Variants in SLC35E4 observed in about 807,000 individuals in gnomAD.
SLC35E4 encodes solute carrier family 35, member E4.
SLC35E4 carries 15 observed loss-of-function variants against 19.3 expected under a neutral mutation model. The ratio of observed to expected loss-of-function variants is 0.78; its 90% confidence interval spans 0.52 to 1.20. The LOEUF (loss-of-function observed/expected upper bound fraction) is 1.20. Ranked by LOEUF, SLC35E4 falls within the 50% of genes most tolerant of loss-of-function variation. SLC35E4 has a pLI of 0.00. For synonymous variants in SLC35E4, 219 were observed against 219.9 expected (o/e 1.00, Z 0.04); for missense variants, 406 against 472.3 (o/e 0.86, Z 1.30).
Position 30,636,247 on chromosome 22 carries a change from C to G in SLC35E4, c.-204C>G, listed in dbSNP as rs1602067489. The G allele has an allele frequency of 1.5e-5, 11 of 729,654 alleles. No individual in the cohort carries two copies. The highest frequency in any genetic ancestry group is 2.1e-5 in the Non-Finnish European group (10 of 481,648). The allele number at this position is 729,654 out of a possible 1,614,324, so 45.2% of individuals were successfully genotyped here. A position where few individuals can be genotyped will look rare whatever the true frequency, so the allele number is the denominator to read the frequency against. ...CATCCTAGCAGCCGCGACCTTGGCT[C>G]TGCCCTGTCTGAGCTGGAAACACAG... On this transcript the variant is annotated 5_prime_UTR_variant, in exon 1 of 2. Coordinates refer to ENST00000343605, the MANE Select transcript of SLC35E4 (RefSeq NM_001001479.4).
At chr22:30,660,821 A>T (rs2088442839) in intron 2 of SLC35E4, among the ~76,000 whole-genome samples, 1 of 151,820 alleles carries the variant, frequency 6.6e-6, no homozygotes, top group Non-Finnish European at 1.5e-5. Context: ...AAAACCATGG[A>T]GGCCAGAAGG....
downstream of SLC35E4, chr22:30,652,380 G>A (rs560209099): frequency 3.9e-5 from 6 of 152,358 alleles, no homozygotes; most frequent in Admixed American, 3.3e-4. Context: ...TGACTCCTAA[G>A]CCATAATTTC....
downstream of SLC35E4, chr22:30,667,841 G>A (rs901364920): frequency 7.9e-5 from 12 of 152,562 alleles, no homozygotes; most frequent in African/African-American, 2.9e-4. Flanking sequence ...GCAGCCGAGA[G>A]ACAGTCTCAC....
At chr22:30,664,118 C>T, downstream of SLC35E4, 1 of 981,116 alleles carries the variant, frequency 1.0e-6, no homozygotes, top group South Asian at 1.7e-5. Context: ...GGCAGGTGCC[C>T]AGAGGGCCAA....
At chr22:30,653,921 C>A in intron 2 of SLC35E4, 2 of 170,094 alleles carry the variant, frequency 1.2e-5, no homozygotes, top group South Asian at 3.0e-4. Flanking sequence ...CAGTATTTGT[C>A]AGTTTCCTTC....
intron 1 of SLC35E4, among the ~76,000 whole-genome samples, chr22:30,640,248 G>A (rs549352221): frequency 1.6e-4 from 25 of 151,854 alleles, no homozygotes; most frequent in Non-Finnish European, 2.5e-4. Flanking sequence ...GCGCCTGCCT[G>A]TAATCCCCCC....
chr22:30,649,268 T>A (rs1009158924), downstream of SLC35E4: 92 of 716,532 alleles, frequency 1.3e-4, 1 homozygote, highest in Admixed American at 1.8e-3. Flanking sequence ...TGGCACCAAC[T>A]GGCTCTGCTT....
At chr22:30,664,774 A>G (rs148650047), downstream of SLC35E4, among the ~76,000 whole-genome samples, 3 of 152,336 alleles carry the variant, frequency 2.0e-5, no homozygotes, top group East Asian at 1.9e-4. Context: ...GCCTCTGAAG[A>G]AGGCCTGGGA....
intron 1 of SLC35E4, 148 bp downstream of exon 1, chr22:30,637,217 A>G: frequency 1.6e-6 from 2 of 1,242,684 alleles, no homozygotes; most frequent in Non-Finnish European, 2.2e-6. Context: ...TGAGGCTCAG[A>G]GAGGGCCAAC....
At chr22:30,644,023 C>T (rs1412711160) in intron 1 of SLC35E4, among the ~76,000 whole-genome samples, 1 of 152,144 alleles carries the variant, frequency 6.6e-6, no homozygotes, top group Non-Finnish European at 1.5e-5. Context: ...AGTTTAGGAC[C>T]TTCCTGCCTG....
exon 3 of SLC35E4, chr22:30,663,193 C>T (rs1017575210): frequency 2.0e-6 from 1 of 489,670 alleles, no homozygotes; most frequent in Non-Finnish European, 3.6e-6. Context: ...TCTGCCTCAA[C>T]CTATCCCCTG....
Position 30,636,673 on chromosome 22 carries a change from G to T in SLC35E4, c.223G>T (p.Gly75Cys), listed in dbSNP as rs750249884. The change falls in exon 1 of 2, where the codon GGC becomes TGC. Residue 75 changes from glycine to cysteine, a missense_variant. Transcript: ENST00000343605. ...CAACAAGTGGATCTTCACAGTGCACGGCTTTGGGCGGCCCCTGCTGCTGTC... is the reference window on the plus strand; with the variant it reads ...CAACAAGTGGATCTTCACAGTGCACTGCTTTGGGCGGCCCCTGCTGCTGTC... Reference protein sequence around the residue: ...SLNKWIFTVHGFGRPLLLSAL... With the variant: ...SLNKWIFTVHCFGRPLLLSAL... 2.5e-6 allele frequency: 4 copies of T among 1,611,966 alleles called. No homozygotes were observed. Among genetic ancestry groups the T allele is most frequent in the Non-Finnish European group, 3.4e-6 (4 of 1,179,118 alleles).
At chr22:30,648,523 G>A (rs906231174), downstream of SLC35E4, among the ~76,000 whole-genome samples, 7 of 152,116 alleles carry the variant, frequency 4.6e-5, no homozygotes, top group Non-Finnish European at 5.9e-5. Flanking sequence ...AGGCCAAGGC[G>A]GGCGGATCAC....
intron 1 of SLC35E4, among the ~76,000 whole-genome samples, chr22:30,638,993 G>T (rs971516827): frequency 6.6e-6 from 1 of 152,042 alleles, no homozygotes. Flanking sequence ...TCAGCCCAGC[G>T]CAGTGGCTCA....
intron 2 of SLC35E4, chr22:30,662,051 T>TA (rs2088490064): frequency 1.3e-5 from 2 of 150,058 alleles, no homozygotes; most frequent in Admixed American, 6.7e-5. Context: ...TTTTTTTTTT[T>TA]ACACACAGGG....
At position 30,653,374 on chromosome 22, in the gene SLC35E4, CTTTT is replaced by C. The variant is rs892435016; in HGVS notation, c.*8+4133_*8+4136del. On this transcript the variant is annotated intron_variant, in intron 2 of 2. Coordinates refer to the SLC35E4 transcript ENST00000406566. ...ACCCTCATGTGCCCCCTTCCTCCTT[CTTTT>C]TTTTTTTTTTTGAGACAGAGTCTTG... Among the ~76,000 whole-genome samples, 7 of 142,568 alleles carry C rather than the reference CTTTT, an allele frequency of 4.9e-5. No individual in the cohort carries two copies. The East Asian group carries it at 6.1e-4, about 12-fold the overall frequency. 93.5% of individuals were successfully genotyped at this position (142,568 alleles called of 152,430 possible).
intron 1 of SLC35E4, among the ~76,000 whole-genome samples, chr22:30,646,125 G>A (rs1223642884): frequency 6.6e-6 from 1 of 152,120 alleles, no homozygotes; most frequent in African/African-American, 2.4e-5. Context: ...TGTTTTTTGA[G>A]CCACTTAGTC....
downstream of SLC35E4, among the ~76,000 whole-genome samples, chr22:30,665,828 A>G (rs1255681417): frequency 6.7e-6 from 1 of 150,136 alleles, no homozygotes; most frequent in African/African-American, 2.5e-5. Context: ...CTTGATAAAT[A>G]TTTGTTGAAT....
downstream of SLC35E4, among the ~76,000 whole-genome samples, chr22:30,651,397 GTGTATATA>G (rs1244097666): frequency 2.7e-4 from 14 of 52,614 alleles, no homozygotes; most frequent in African/African-American, 1.5e-3. Context: ...GTGTGTGTGT[GTGTATATA>G]TATATATATA....
Sources: gnomAD v4.1 joint callset for allele counts (sites outside exome capture counted in the v4.1 genomes callset) on GRCh38, gnomAD v4.1.1 for gene constraint, MANE v1.5 for transcripts, NCBI Gene and HGNC (gene_info 2026-07-23, HGNC 2026-07-21) for gene names.